FARP1: variants seen among roughly 807,000 people sequenced by gnomAD.
FARP1 encodes the protein FERM, ARHGEF and pleckstrin domain-containing protein 1.
FARP1 carries 52 observed loss-of-function variants against 128.8 expected under a neutral mutation model. That is an observed-to-expected ratio of 0.40 (90% confidence interval 0.32 to 0.51). The LOEUF is 0.51. Ranked by LOEUF, FARP1 falls within the 20% of genes least tolerant of loss-of-function variation. The pLI, the probability that FARP1 is intolerant of heterozygous loss-of-function variation, is 0.45. For missense variants in FARP1, 1,333 were observed against 1,367.9 expected, an observed-to-expected ratio of 0.97 and a Z score of 0.40; for synonymous variants, 580 against 551.8, an observed-to-expected ratio of 1.05 and a Z score of -0.72.
At chr13:98,315,102 A>G (rs936228052) in intron 2 of FARP1, among the ~76,000 whole-genome samples, 22 of 151,746 alleles carry the variant, frequency 1.4e-4, no homozygotes, top group South Asian at 6.3e-4. Context: ...CACAATAACA[A>G]TCGACTGTGA....
At chr13:98,216,084 T>C (rs1881046801) in intron 2 of FARP1, among the ~76,000 whole-genome samples, 1 of 152,294 alleles carries the variant, frequency 6.6e-6, no homozygotes, top group Admixed American at 6.5e-5. Context: ...CCATCACACC[T>C]GGCCATATTT....
chr13:98,379,153 T>TATATAATCTATATATA (rs1555342097), intron 6 of FARP1, among the ~76,000 whole-genome samples: 4,385 of 72,976 alleles, frequency 0.06, 1,624 homozygotes, highest in African/African-American at 0.37. Flanking sequence ...CTATATATAA[T>TATATAATCTATATATA]ATATATATAA....
chr13:98,342,295 T>C (rs1226119208), intron 2 of FARP1, among the ~76,000 whole-genome samples: 1 of 152,214 alleles, frequency 6.6e-6, no homozygotes, highest in Non-Finnish European at 1.5e-5. Flanking sequence ...TCCAGAAATA[T>C]TTATAACACC....
chr13:98,427,483 G>A (rs1291928573), intron 17 of FARP1, among the ~76,000 whole-genome samples: 2 of 152,182 alleles, frequency 1.3e-5, no homozygotes, highest in South Asian at 2.1e-4. Flanking sequence ...CCTCTTCAAG[G>A]AGGCTTGGAC....
chr13:98,283,377 A>G (rs1249871517), intron 2 of FARP1, among the ~76,000 whole-genome samples: 6 of 152,340 alleles, frequency 3.9e-5, no homozygotes, highest in East Asian at 3.9e-4. Context: ...GCAAGAGGCT[A>G]TCCTGGAAAA....
At chr13:98,317,591 A>C (rs561198827) in intron 2 of FARP1, among the ~76,000 whole-genome samples, 104 of 152,308 alleles carry the variant, frequency 6.8e-4, no homozygotes, top group Middle Eastern at 6.8e-3. Flanking sequence ...TGTTATCCAA[A>C]GAAGGTAAAG....
chr13:98,182,251 T>A (rs769412795), intron 1 of FARP1, among the ~76,000 whole-genome samples: 6 of 105,782 alleles, frequency 5.7e-5, no homozygotes, highest in African/African-American at 8.8e-5. Context: ...AACTTGTTAG[T>A]CTTTTTACTG....
At chr13:98,313,113 C>T (rs1388832745) in intron 2 of FARP1, among the ~76,000 whole-genome samples, 1 of 40,004 alleles carries the variant, frequency 2.5e-5, no homozygotes, top group Admixed American at 2.2e-4. Flanking sequence ...TCATAATACA[C>T]ACACACACAC....
chr13:98,364,537 A>G (rs1295290638), intron 3 of FARP1, among the ~76,000 whole-genome samples: 3 of 152,290 alleles, frequency 2.0e-5, no homozygotes, highest in Admixed American at 2.0e-4. Context: ...TCTCGTTTTC[A>G]TATTTACTTA....
chr13:98,283,431 C>T (rs1885025410), intron 2 of FARP1, among the ~76,000 whole-genome samples: 1 of 152,140 alleles, frequency 6.6e-6, no homozygotes, highest in Non-Finnish European at 1.5e-5. Flanking sequence ...CCCCAGAAGC[C>T]TAAGGATGCA....
intron 1 of FARP1, among the ~76,000 whole-genome samples, chr13:98,206,487 C>G (rs998112648): frequency 1.3e-5 from 2 of 152,188 alleles, no homozygotes; most frequent in Non-Finnish European, 2.9e-5. Flanking sequence ...TATCTGAGAT[C>G]TGTAGCCATG....
At chr13:98,230,235 G>C (rs1274215336) in intron 2 of FARP1, among the ~76,000 whole-genome samples, 1 of 152,156 alleles carries the variant, frequency 6.6e-6, no homozygotes, top group Non-Finnish European at 1.5e-5. Context: ...AGAGGTTTTG[G>C]CATCTTTGAA....
At chr13:98,401,117 C>A (rs1185614945) in intron 13 of FARP1, 1 of 152,122 alleles carries the variant, frequency 6.6e-6, no homozygotes. Context: ...TCTCTGTTAG[C>A]CAAGCCCGTA....
chr13:98,373,780 A>G (rs1342472406), intron 5 of FARP1, among the ~76,000 whole-genome samples: 6 of 152,190 alleles, frequency 3.9e-5, no homozygotes, highest in Non-Finnish European at 7.3e-5. Flanking sequence ...TTTTATTTTT[A>G]AAAACTGCCA....
intron 1 of FARP1, among the ~76,000 whole-genome samples, chr13:98,181,916 A>G (rs1878559765): frequency 6.6e-6 from 1 of 152,214 alleles, no homozygotes; most frequent in African/African-American, 2.4e-5. Context: ...AAGCAAAGGA[A>G]AAGAAACTAA....
rs1345202468 is a variant in FARP1, at chr13:98,451,639, C to T, written c.*3322C>T. On this transcript the variant is annotated 3_prime_UTR_variant, in exon 27 of 27. Coordinates refer to ENST00000319562, the MANE Select transcript of FARP1 (RefSeq NM_005766.4). The stretch of plus-strand genomic sequence containing the variant: ...CAGATAGCTGAGCTACATCCCCAAG[C>T]TCACCCACTAACTTCCTTGCTTCCA... The T allele has an allele frequency of 6.6e-6, 1 of 152,218 alleles. No homozygotes were observed. The highest frequency in any genetic ancestry group is 1.5e-5 in the Non-Finnish European group (1 of 68,068). 9.4% of individuals were successfully genotyped at this position (152,218 alleles called of 1,614,324 possible). A position where few individuals can be genotyped will look rare whatever the true frequency, so the allele number is the denominator to read the frequency against.
At chr13:98,164,875 T>A (rs1393184893) in intron 1 of FARP1, among the ~76,000 whole-genome samples, 1 of 151,852 alleles carries the variant, frequency 6.6e-6, no homozygotes, top group Non-Finnish European at 1.5e-5. Flanking sequence ...AGGTCAGGAG[T>A]TCGAGACCAG....
At chr13:98,253,681 A>T (rs1402803159) in intron 2 of FARP1, among the ~76,000 whole-genome samples, 6 of 152,198 alleles carry the variant, frequency 3.9e-5, no homozygotes, top group Non-Finnish European at 8.8e-5. Flanking sequence ...TCGCACCGCT[A>T]AGTCATCGTT....
intron 8 of FARP1, chr13:98,386,084 CAT>C: frequency 4.9e-6 from 2 of 408,866 alleles, no homozygotes; most frequent in Middle Eastern, 6.8e-4. Flanking sequence ...TGTAGCTCTC[CAT>C]GGACCTACAC....
Sources: gnomAD v4.1 joint callset for allele counts (sites outside exome capture counted in the v4.1 genomes callset) on GRCh38, gnomAD v4.1.1 for gene constraint, MANE v1.5 for transcripts, NCBI Gene and HGNC (gene_info 2026-07-23, HGNC 2026-07-21) for gene names.